Variants in NIPBL observed in about 807,000 individuals in gnomAD.
The protein encoded by NIPBL is NIPBL cohesin loading factor.
In NIPBL, 19 loss-of-function variants were observed where a neutral mutation model predicts 321.8. The ratio of observed to expected loss-of-function variants is 0.06; its 90% CI spans 0.04 to 0.09. The LOEUF is 0.09. Ranked by LOEUF, NIPBL falls within the 10% of genes least tolerant of loss-of-function variation. NIPBL has a pLI of 1.00. For synonymous variants in NIPBL, 1,106 were observed against 1,114.1 expected, an observed-to-expected ratio of 0.99 and a Z score of 0.14; for missense variants, 2,210 against 3,327.0, an observed-to-expected ratio of 0.66 and a Z score of 8.26.
intron 32 of NIPBL, among the ~76,000 whole-genome samples, chr5:37,034,186 A>C (rs1751439822): frequency 6.6e-6 from 1 of 152,174 alleles, no homozygotes; most frequent in Non-Finnish European, 1.5e-5. Context: ...ACCACATTCT[A>C]CACCATTTTA....
At chr5:36,968,345 G>A (rs1742469619) in intron 6 of NIPBL, among the ~76,000 whole-genome samples, 1 of 152,004 alleles carries the variant, frequency 6.6e-6, no homozygotes, top group Non-Finnish European at 1.5e-5. Flanking sequence ...TGAGACTGGT[G>A]GATCACGAGG....
intron 1 of NIPBL, among the ~76,000 whole-genome samples, chr5:36,913,558 T>G (rs190092891): frequency 6.6e-6 from 1 of 152,104 alleles, no homozygotes; most frequent in African/African-American, 2.4e-5. Context: ...GCTGGCTAAT[T>G]TTTCTGTAGA....
At chr5:37,019,269 A>C in intron 24 of NIPBL, 42 bp from the exon 25 acceptor site, 1 of 1,242,988 alleles carries the variant, frequency 8.0e-7, no homozygotes, top group Non-Finnish European at 1.2e-6. Flanking sequence ...ATTAAAGCAC[A>C]CCAGTAATAT....
intron 6 of NIPBL, among the ~76,000 whole-genome samples, chr5:36,964,869 A>C (rs1454821192): frequency 6.6e-6 from 1 of 152,156 alleles, no homozygotes; most frequent in Non-Finnish European, 1.5e-5. Context: ...AAAAGCCAAA[A>C]GATGTGAGTA....
intron 6 of NIPBL, among the ~76,000 whole-genome samples, chr5:36,968,912 A>G (rs1561091812): frequency 6.6e-6 from 1 of 152,230 alleles, no homozygotes; most frequent in Admixed American, 6.5e-5. Flanking sequence ...AATTGTCTTC[A>G]TAGAAAATCC....
chr5:36,930,821 TTAA>T (rs1456585919), intron 1 of NIPBL, among the ~76,000 whole-genome samples: 2 of 152,308 alleles, frequency 1.3e-5, no homozygotes, highest in African/African-American at 4.8e-5. Context: ...GCTATTTCTA[TTAA>T]TAAGATGTTT....
chr5:37,015,279 A>T (rs1748816179), intron 22 of NIPBL, among the ~76,000 whole-genome samples: 2 of 151,842 alleles, frequency 1.3e-5, no homozygotes, highest in South Asian at 4.2e-4. Flanking sequence ...ATGCACCACC[A>T]TGGCCAGCTA....
chr5:36,981,800 A>G (rs962078257), intron 9 of NIPBL, among the ~76,000 whole-genome samples: 5 of 151,766 alleles, frequency 3.3e-5, no homozygotes, highest in Non-Finnish European at 5.9e-5. Context: ...TAATGTTACA[A>G]TATTCTTGCA....
chr5:37,041,412 C>T, intron 34 of NIPBL, among the ~76,000 whole-genome samples: 1 of 151,028 alleles, frequency 6.6e-6, no homozygotes. Flanking sequence ...TACAGGTGCA[C>T]ACCACCACAC....
At chr5:37,024,512 A>T (rs1750038071) in intron 29 of NIPBL, 73 bp from the exon 30 acceptor site, 4 of 1,296,674 alleles carry the variant, frequency 3.1e-6, no homozygotes, top group Non-Finnish European at 4.4e-6. Flanking sequence ...CTGCGTATGG[A>T]TACTTATTTT....
At chr5:36,929,741 A>G (rs1303495311) in intron 1 of NIPBL, among the ~76,000 whole-genome samples, 1 of 152,042 alleles carries the variant, frequency 6.6e-6, no homozygotes, top group Non-Finnish European at 1.5e-5. Flanking sequence ...ATCCATTTGA[A>G]TTAATTTTTG....
intron 9 of NIPBL, among the ~76,000 whole-genome samples, chr5:36,984,020 T>G (rs1744442909): frequency 6.6e-6 from 1 of 151,932 alleles, no homozygotes; most frequent in African/African-American, 2.4e-5. Context: ...TATTTTAAAT[T>G]TACTTCTATC....
intron 3 of NIPBL, among the ~76,000 whole-genome samples, chr5:36,956,899 A>C (rs1741029296): frequency 6.6e-6 from 1 of 152,074 alleles, no homozygotes; most frequent in Non-Finnish European, 1.5e-5. Flanking sequence ...TGCTAGGATT[A>C]TAGGTGTGAG....
chr5:37,031,274 C>A (rs930075019), intron 32 of NIPBL, among the ~76,000 whole-genome samples: 7 of 152,334 alleles, frequency 4.6e-5, no homozygotes, highest in African/African-American at 1.7e-4. Context: ...GCGCAAGCCA[C>A]CGTGCCTGGC....
rs34663125 is a variant in NIPBL at position 36,970,411 on chromosome 5, CTATA to C, written c.611-448_611-445del. Among the ~76,000 whole-genome samples the C allele has an allele frequency of 1.3e-4, 18 of 143,586 alleles. No homozygotes were observed. The South Asian group carries it at 1.3e-3, about 10-fold the overall frequency. 94.2% of individuals were successfully genotyped at this position (143,586 alleles called of 152,430 possible). ...AATAAATAAATAAAAGAATTTAAAA[CTATA>C]TATATATATATATATAAAATCTCAG... is the stretch of plus-strand genomic sequence containing the variant. On this transcript the variant is annotated intron_variant, in intron 6 of 46. Coordinates refer to ENST00000282516, the MANE Select transcript of NIPBL (RefSeq NM_133433.4).
intron 1 of NIPBL, among the ~76,000 whole-genome samples, chr5:36,910,669 T>C (rs1056026275): frequency 6.6e-6 from 1 of 152,220 alleles, no homozygotes; most frequent in African/African-American, 2.4e-5. Flanking sequence ...TACTCTATAA[T>C]TTATTTTTTA....
intron 10 of NIPBL, among the ~76,000 whole-genome samples, chr5:36,989,490 T>C (rs529040841): frequency 1.3e-5 from 2 of 152,218 alleles, no homozygotes; most frequent in African/African-American, 4.8e-5. Context: ...CCAAAAAATA[T>C]GTTGTTAAAA....
chr5:37,056,160 G>A (rs562359233), intron 42 of NIPBL, among the ~76,000 whole-genome samples: 1 of 152,220 alleles, frequency 6.6e-6, no homozygotes, highest in South Asian at 2.1e-4. Flanking sequence ...AATAGATGAG[G>A]TAGGGTTTTA....
chr5:37,044,819 C>T (rs1752806621), intron 36 of NIPBL, 90 bp downstream of exon 36: 8 of 897,982 alleles, frequency 8.9e-6, no homozygotes, highest in Admixed American at 2.0e-5. Flanking sequence ...AGGCTAGACT[C>T]GAGGAAATTA....
Sources: gnomAD v4.1 joint callset for allele counts (sites outside exome capture counted in the v4.1 genomes callset) on GRCh38, gnomAD v4.1.1 for gene constraint, MANE v1.5 for transcripts, NCBI Gene and HGNC (gene_info 2026-07-23, HGNC 2026-07-21) for gene names.